The following AUTS2 variants were observed in gnomAD, a reference collection of about 807,000 sequenced individuals.
The protein encoded by AUTS2 is autism susceptibility gene 2 protein.
AUTS2 carries 17 observed loss-of-function variants against 112.4 expected under a neutral mutation model. That is an observed-to-expected ratio of 0.15 (90% CI 0.10 to 0.23). The LOEUF (loss-of-function observed/expected upper bound fraction) is 0.23, where lower values mean the gene tolerates loss of function less well. Ranked by LOEUF, AUTS2 falls within the 10% of genes least tolerant of loss-of-function variation. The pLI is 1.00. For missense variants in AUTS2, 1,510 were observed against 1,701.6 expected (o/e 0.89, Z 1.98); for synonymous variants, 751 against 702.7 (o/e 1.07, Z -1.09).
chr7:69,911,378 G>T (rs527265212), intron 2 of AUTS2, among the ~76,000 whole-genome samples: 10 of 152,184 alleles, frequency 6.6e-5, no homozygotes, highest in Non-Finnish European at 1.2e-4. Context: ...GCTCCCTAAA[G>T]GGCCGCAGCT....
At chr7:70,593,375 AG>A (rs2129528765) in intron 5 of AUTS2, among the ~76,000 whole-genome samples, 1 of 152,306 alleles carries the variant, frequency 6.6e-6, no homozygotes, top group East Asian at 1.9e-4. Context: ...TTTAAAATCA[AG>A]GAGCTGTGAT....
chr7:70,619,531 C>T (rs1020565586), intron 5 of AUTS2, among the ~76,000 whole-genome samples: 10 of 150,984 alleles, frequency 6.6e-5, no homozygotes, highest in Non-Finnish European at 1.3e-4. Flanking sequence ...TCCCTCTCCT[C>T]TCTCAAATAA....
rs1200760722 is a variant in AUTS2 at position 70,142,978 on chromosome 7, G to C, written c.660+8407G>C. Among the ~76,000 whole-genome samples the C allele has an allele frequency of 2.0e-5, 3 of 152,146 alleles. No individual in the cohort carries two copies. The East Asian group carries it at 5.8e-4, about 29-fold the overall frequency. ...TTTTGATAGATTTAACTAGCCTGGA[G>C]TTTTATTGACTATCACTCAGAATCT... is the stretch of plus-strand genomic sequence containing the variant. On this transcript the variant is annotated intron_variant, in intron 4 of 18. Transcript: ENST00000342771.
At chr7:70,431,680 C>G (rs73175931) in intron 4 of AUTS2, among the ~76,000 whole-genome samples, 4,464 of 152,306 alleles carry the variant, frequency 0.029, 82 homozygotes, top group South Asian at 0.08. Context: ...CCCCGTCACC[C>G]GGCCGTAAAT....
chr7:70,272,486 C>T (rs922291672), intron 4 of AUTS2, among the ~76,000 whole-genome samples: 1 of 152,152 alleles, frequency 6.6e-6, no homozygotes, highest in African/African-American at 2.4e-5. Flanking sequence ...GAAGTCCCAT[C>T]GCTTCTTTTG....
In AUTS2 at chr7:70,141,845, CTG is replaced by C. The variant is rs1481881940; in HGVS notation, c.660+7277_660+7278del. On this transcript the variant is annotated intron_variant, in intron 4 of 18. Transcript: ENST00000342771. ...GACTAAATGAACAGTACAAGTTAAA[CTG>C]TGGTGAGAGACATTTAAACATTTGT... Among the ~76,000 whole-genome samples the C allele has an allele frequency of 2.6e-5, 4 of 152,184 alleles. No homozygotes were observed. In the South Asian group the frequency reaches 8.3e-4, roughly 31 times the overall value.
intron 5 of AUTS2, among the ~76,000 whole-genome samples, chr7:70,671,817 C>T (rs900840737): frequency 6.6e-6 from 1 of 152,176 alleles, no homozygotes; most frequent in Non-Finnish European, 1.5e-5. Context: ...GATGGTTTGG[C>T]GCAGAGCTCT....
intron 2 of AUTS2, among the ~76,000 whole-genome samples, chr7:70,091,964 A>G (rs2129567804): frequency 6.6e-6 from 1 of 152,090 alleles, no homozygotes; most frequent in Non-Finnish European, 1.5e-5. Context: ...AGTAGGGGGG[A>G]TTATACTCTT....
At chr7:70,057,688 C>G (rs1388385533) in intron 2 of AUTS2, among the ~76,000 whole-genome samples, 2 of 152,152 alleles carry the variant, frequency 1.3e-5, no homozygotes, top group Non-Finnish European at 2.9e-5. Flanking sequence ...CTCCAGGGTC[C>G]CTAGACCCTC....
intron 3 of AUTS2, among the ~76,000 whole-genome samples, chr7:70,130,159 G>A (rs1806198166): frequency 6.6e-6 from 1 of 152,046 alleles, no homozygotes; most frequent in Admixed American, 6.6e-5. Context: ...TTAGCGATTT[G>A]GAAGAATTTA....
chr7:70,570,860 C>G (rs1022942374), intron 5 of AUTS2, among the ~76,000 whole-genome samples: 5 of 152,000 alleles, frequency 3.3e-5, no homozygotes, highest in Non-Finnish European at 5.9e-5. Flanking sequence ...TGTACAGGGG[C>G]ACCCAAGGCC....
At chr7:69,833,189 C>T (rs1240341276) in intron 1 of AUTS2, among the ~76,000 whole-genome samples, 1 of 152,044 alleles carries the variant, frequency 6.6e-6, no homozygotes, top group Non-Finnish European at 1.5e-5. Context: ...TTAGGTCCTC[C>T]AGTGATGTCT....
At chr7:70,552,951 T>C (rs6946285) in intron 5 of AUTS2, among the ~76,000 whole-genome samples, 35,597 of 152,170 alleles carry the variant, frequency 0.23, 4,287 homozygotes, top group Middle Eastern at 0.32. Context: ...AGGTATAGCA[T>C]AGTGTATTAG....
intron 5 of AUTS2, among the ~76,000 whole-genome samples, chr7:70,441,644 C>T (rs1014657890): frequency 6.6e-6 from 1 of 152,192 alleles, no homozygotes; most frequent in Admixed American, 6.5e-5. Flanking sequence ...GCCTTGGCCT[C>T]CCAAAGCACT....
intron 2 of AUTS2, among the ~76,000 whole-genome samples, chr7:69,906,300 A>G (rs987640052): frequency 6.6e-6 from 1 of 152,268 alleles, no homozygotes; most frequent in African/African-American, 2.4e-5. Context: ...AAGAACATGA[A>G]ATAAGCCTCT....
chr7:69,849,375 C>G (rs1041671516), intron 1 of AUTS2, among the ~76,000 whole-genome samples: 5 of 152,096 alleles, frequency 3.3e-5, no homozygotes, highest in Admixed American at 2.6e-4. Context: ...TGACCTTCAC[C>G]TAGTACAATA....
intron 4 of AUTS2, among the ~76,000 whole-genome samples, chr7:70,211,171 C>A (rs1483092562): frequency 6.6e-6 from 1 of 152,118 alleles, no homozygotes; most frequent in African/African-American, 2.4e-5. Context: ...TACTCTCAGG[C>A]ATGCCAGACC....
At position 70,631,148 on chromosome 7, in the gene AUTS2, G is replaced by A. The variant is rs1175984955; in HGVS notation, c.691-67421G>A. Among the ~76,000 whole-genome samples, 3 of 152,174 alleles carry A rather than the reference G, an allele frequency of 2.0e-5. No individual in the cohort carries two copies. Among genetic ancestry groups the A allele is most frequent in the Non-Finnish European group, 2.9e-5 (2 of 68,048 alleles). On this transcript the variant is annotated intron_variant, in intron 5 of 18. Coordinates refer to ENST00000342771, the MANE Select transcript of AUTS2 (RefSeq NM_015570.4). This position sits in a 1 kb window ranked among gnomAD's most constrained non-coding sequence, Gnocchi z 4.5. ...GGCCCCTCGCCGCGCCATTCCTGAT[G>A]ACAAACTGCCAGCCAGCTCCCACAA...
intron 4 of AUTS2, among the ~76,000 whole-genome samples, chr7:70,262,469 T>C (rs763304687): frequency 5.7e-4 from 86 of 152,182 alleles, no homozygotes; most frequent in Non-Finnish European, 1.0e-3. Flanking sequence ...ACATCTTAGT[T>C]GTTACTGTGA....
Sources: gnomAD v4.1 joint callset for allele counts (sites outside exome capture counted in the v4.1 genomes callset) on GRCh38, gnomAD v4.1.1 for gene constraint, Gnocchi (gnomAD v3.1) non-coding constraint, MANE v1.5 for transcripts, NCBI Gene and HGNC (gene_info 2026-07-23, HGNC 2026-07-21) for gene names.